The following MYO1B variants were observed in gnomAD, a reference collection of about 807,000 sequenced individuals.
The protein encoded by MYO1B is unconventional myosin-Ib.
MYO1B carries 72 observed loss-of-function variants against 159.7 expected under a neutral mutation model. That is an observed-to-expected ratio of 0.45 (90% CI 0.37 to 0.55). MYO1B has a LOEUF of 0.55. MYO1B is among the 20% of genes least tolerant of loss of function. The pLI, the probability that MYO1B is intolerant of heterozygous loss-of-function variation, is 0.00. For synonymous variants in MYO1B, 468 were observed against 473.8 expected, an observed-to-expected ratio of 0.99 and a Z score of 0.16; for missense variants, 1,062 against 1,364.8, an observed-to-expected ratio of 0.78 and a Z score of 3.50.
intron 2 of MYO1B, among the ~76,000 whole-genome samples, chr2:191,291,905 C>G (rs1387381380): frequency 1.4e-4 from 21 of 152,046 alleles, no homozygotes; most frequent in Admixed American, 1.4e-3. Context: ...AATGTTAAAC[C>G]CCACCCAGCA....
intron 24 of MYO1B, chr2:191,407,676 T>A (rs963540004): frequency 4.6e-5 from 7 of 152,402 alleles, no homozygotes; most frequent in African/African-American, 1.7e-4. Context: ...CCATATTCAG[T>A]TCTCAGTGTG....
chr2:191,356,337 CT>C (rs79525897), intron 7 of MYO1B, among the ~76,000 whole-genome samples: 2,994 of 106,462 alleles, frequency 0.028, 63 homozygotes, highest in African/African-American at 0.092. Flanking sequence ...GGCTGGGCTT[CT>C]TTTTTTTTTT....
At chr2:191,311,608 G>C (rs902759888) in intron 3 of MYO1B, among the ~76,000 whole-genome samples, 4 of 152,114 alleles carry the variant, frequency 2.6e-5, no homozygotes, top group Non-Finnish European at 4.4e-5. Flanking sequence ...AATTGGTTTG[G>C]CCGTTATTAA....
At chr2:191,297,367 AT>A (rs1689046523) in intron 3 of MYO1B, among the ~76,000 whole-genome samples, 1 of 152,206 alleles carries the variant, frequency 6.6e-6, no homozygotes, top group African/African-American at 2.4e-5. Flanking sequence ...AACATCTTTT[AT>A]GCAATAAACT....
At chr2:191,364,734 A>G (rs947244686) in intron 11 of MYO1B, among the ~76,000 whole-genome samples, 3 of 152,004 alleles carry the variant, frequency 2.0e-5, no homozygotes, top group African/African-American at 4.8e-5. Context: ...CTTCGAGGAG[A>G]TGTGCACTAA....
rs541522058 is a variant in MYO1B, at chr2:191,291,462, A to T, written c.136-4649A>T. On this transcript the variant is annotated intron_variant, in intron 2 of 30. Transcript: ENST00000392318. ...CCCTCTTCCCTTTTTCTTCTCTTTC[A>T]TTCTTGTTTGCTTCTCTTCCCTCCC... Among the ~76,000 whole-genome samples the T allele has an allele frequency of 2.0e-5, 3 of 152,080 alleles. No homozygotes were observed. The South Asian group carries it at 6.2e-4, about 32-fold the overall frequency.
At chr2:191,247,509 T>A (rs866038315) in intron 1 of MYO1B, among the ~76,000 whole-genome samples, 2 of 152,176 alleles carry the variant, frequency 1.3e-5, no homozygotes, top group Admixed American at 6.5e-5. Flanking sequence ...CTGGGAGTTG[T>A]CCTCAGGAGC....
At chr2:191,281,337 T>C (rs938903468) in intron 2 of MYO1B, among the ~76,000 whole-genome samples, 36 of 152,186 alleles carry the variant, frequency 2.4e-4, no homozygotes, top group African/African-American at 8.2e-4. Flanking sequence ...ATGGGGGAAA[T>C]GCTGAAGTGA....
intron 18 of MYO1B, 33 bp downstream of exon 18, chr2:191,390,525 A>T (rs1553560891): frequency 3.1e-6 from 5 of 1,592,288 alleles, no homozygotes; most frequent in Non-Finnish European, 4.3e-6. Flanking sequence ...TTAATAATGA[A>T]TGTTTTAAGT....
At chr2:191,308,667 G>A (rs1027918378) in intron 3 of MYO1B, among the ~76,000 whole-genome samples, 5 of 151,962 alleles carry the variant, frequency 3.3e-5, no homozygotes, top group African/African-American at 1.2e-4. Context: ...TGAAAAGTTG[G>A]GTATGCTTAT....
In MYO1B at chr2:191,360,751, GTGTTGTTGT is replaced by G. The variant is rs71403288; in HGVS notation, c.661+52_661+60del. 9.1e-4 allele frequency: 1,014 copies of G among 1,118,160 alleles called. 2 individuals are homozygous for G. Among genetic ancestry groups the G allele is most frequent in the Non-Finnish European group, 1.2e-3 (904 of 763,274 alleles). The allele number at this position is 1,118,160 out of a possible 1,614,324, so 69.3% of individuals were successfully genotyped here. A position where few individuals can be genotyped will look rare whatever the true frequency, so the allele number is the denominator to read the frequency against. ...CTCAGTAAGTCTCTGTTTCTATGTG[GTGTTGTTGT>G]TGTTGTTGTTGTTGTTGTTGTTGTT... On this transcript the variant is annotated intron_variant, in intron 8 of 30. Transcript: ENST00000392318.
chr2:191,282,422 T>G (rs920163261), intron 2 of MYO1B, among the ~76,000 whole-genome samples: 2 of 152,210 alleles, frequency 1.3e-5, no homozygotes, highest in Non-Finnish European at 1.5e-5. Flanking sequence ...GACAACCACC[T>G]GAGTGTTATT....
intron 7 of MYO1B, among the ~76,000 whole-genome samples, chr2:191,353,824 G>A (rs575704710): frequency 1.8e-4 from 28 of 152,236 alleles, no homozygotes; most frequent in African/African-American, 6.7e-4. Context: ...ATAGTGCCTG[G>A]TACATAGTGA....
At chr2:191,309,069 A>C (rs568304794) in intron 3 of MYO1B, among the ~76,000 whole-genome samples, 2 of 152,026 alleles carry the variant, frequency 1.3e-5, no homozygotes, top group Admixed American at 1.3e-4. Flanking sequence ...CCGGATTTAG[A>C]TCTTCAGCTG....
intron 30 of MYO1B, among the ~76,000 whole-genome samples, chr2:191,421,702 C>T (rs778728747): frequency 2.0e-5 from 3 of 152,222 alleles, no homozygotes; most frequent in Non-Finnish European, 2.9e-5. Context: ...TCTCGAACTC[C>T]TGGCCTCAAG....
intron 3 of MYO1B, among the ~76,000 whole-genome samples, chr2:191,321,838 A>G (rs538981477): frequency 1.2e-4 from 19 of 152,272 alleles, no homozygotes; most frequent in African/African-American, 3.4e-4. Flanking sequence ...CTTTCTTGTT[A>G]GATTTTAAGC....
chr2:191,416,254 T>C lies in MYO1B; in HGVS notation c.3287+12T>C. On this transcript the variant is annotated intron_variant, in intron 30 of 30. Transcript: ENST00000392318. ...GAGATTTCCGATGAGTACGTTCATG[T>C]ATTGTTTGAAAACCCTTTTTCTCTT... 5.0e-6 allele frequency: 8 copies of C among 1,613,958 alleles called. No individual in the cohort carries two copies. The highest frequency in any genetic ancestry group is 6.8e-6 in the Non-Finnish European group (8 of 1,179,970).
At chr2:191,396,344 A>G in intron 20 of MYO1B, 85 bp from the exon 21 acceptor site, 1 of 1,406,538 alleles carries the variant, frequency 7.1e-7, no homozygotes, top group Non-Finnish European at 1.0e-6. Flanking sequence ...CAGTTAGACG[A>G]AGTGAGCAAA....
chr2:191,381,294 G>C (rs540674302), intron 13 of MYO1B, 168 bp from the exon 14 acceptor site: 1 of 693,134 alleles, frequency 1.4e-6, no homozygotes, highest in East Asian at 2.7e-5. Context: ...CCCACTCCTC[G>C]AGTGCCTGCA....
Sources: allele counts gnomAD v4.1 joint callset (sites outside exome capture counted in the v4.1 genomes callset), GRCh38; gene constraint gnomAD v4.1.1; transcripts MANE v1.5; gene names NCBI Gene and HGNC (gene_info 2026-07-23, HGNC 2026-07-21).